The following IFT88 variants were observed in gnomAD, a reference collection of about 807,000 sequenced individuals.
IFT88 encodes intraflagellar transport protein 88 homolog.
In IFT88, 74 loss-of-function variants were observed where a neutral mutation model predicts 119.5. That is an observed-to-expected ratio of 0.62 (90% confidence interval 0.51 to 0.75). The LOEUF is 0.75. Ranked by LOEUF, IFT88 falls within the 30% of genes least tolerant of loss-of-function variation. The pLI is 0.00. For synonymous variants in IFT88, 279 were observed against 316.7 expected (o/e 0.88, Z 1.26); for missense variants, 961 against 977.7 (o/e 0.98, Z 0.23).
At chr13:20,628,169 G>A (rs1479281051) in intron 15 of IFT88, among the ~76,000 whole-genome samples, 4 of 152,072 alleles carry the variant, frequency 2.6e-5, no homozygotes, top group African/African-American at 2.4e-5. Context: ...TGCCTTCTGT[G>A]AGGATATAGT....
chr13:20,607,450 A>C (rs1314887301), intron 13 of IFT88: 2 of 666,448 alleles, frequency 3.0e-6, no homozygotes, highest in Non-Finnish European at 5.6e-6. Context: ...TGTACTTGTC[A>C]CTCATCCCCA....
intron 20 of IFT88, among the ~76,000 whole-genome samples, chr13:20,647,054 C>T (rs112887749): frequency 1.3e-4 from 20 of 152,056 alleles, no homozygotes; most frequent in Non-Finnish European, 2.8e-4. Flanking sequence ...TATTTCTCTC[C>T]CTCCTGTTTC....
intron 14 of IFT88, among the ~76,000 whole-genome samples, chr13:20,618,451 T>A (rs2045982704): frequency 6.6e-6 from 1 of 152,160 alleles, no homozygotes; most frequent in African/African-American, 2.4e-5. Context: ...AATCAGGGGA[T>A]TTTAAATAGT....
chr13:20,592,292 G>C (rs1445843784), intron 6 of IFT88, 43 bp from the exon 7 acceptor site: 5 of 1,432,624 alleles, frequency 3.5e-6, no homozygotes, highest in Non-Finnish European at 3.9e-6. Context: ...CTTCGATTTT[G>C]CTGAGTTACA....
At chr13:20,626,271 A>G (rs1290311969) in intron 15 of IFT88, among the ~76,000 whole-genome samples, 1 of 151,962 alleles carries the variant, frequency 6.6e-6, no homozygotes, top group Non-Finnish European at 1.5e-5. Flanking sequence ...CGTGTTAGCC[A>G]GGATGGTCTC....
At chr13:20,596,277 T>G in intron 8 of IFT88, 37 bp downstream of exon 8, 1 of 960,484 alleles carries the variant, frequency 1.0e-6, no homozygotes, top group Non-Finnish European at 1.6e-6. Context: ...TATGAAGCAT[T>G]TATAGATGTA....
chr13:20,647,679 T>C (rs1162212354), intron 20 of IFT88, among the ~76,000 whole-genome samples: 1 of 152,214 alleles, frequency 6.6e-6, no homozygotes, highest in Non-Finnish European at 1.5e-5. Flanking sequence ...TTCTTTAATA[T>C]TGATTGTGAT....
chr13:20,606,896 T>C (rs2043574789), intron 13 of IFT88, among the ~76,000 whole-genome samples: 1 of 151,820 alleles, frequency 6.6e-6, no homozygotes, highest in Non-Finnish European at 1.5e-5. Context: ...ATAAAATAAA[T>C]AAATAAATAA....
intron 22 of IFT88, among the ~76,000 whole-genome samples, chr13:20,657,989 A>G (rs944334716): frequency 3.9e-5 from 6 of 152,178 alleles, no homozygotes; most frequent in African/African-American, 1.4e-4. Flanking sequence ...GTAGGAGTGT[A>G]GGAGCAGGGT....
intron 7 of IFT88, among the ~76,000 whole-genome samples, chr13:20,595,763 G>C (rs781346662): frequency 1.4e-3 from 218 of 152,204 alleles, no homozygotes; most frequent in Non-Finnish European, 2.7e-3. Flanking sequence ...AATTAGGCTG[G>C]GTGTTGTGGC....
intron 14 of IFT88, among the ~76,000 whole-genome samples, chr13:20,623,137 GT>G (rs976200663): frequency 7.9e-5 from 12 of 152,176 alleles, no homozygotes; most frequent in African/African-American, 2.9e-4. Flanking sequence ...GTGGTGGTTT[GT>G]TTTCGGGCTC....
At position 20,611,514 on chromosome 13, in the gene IFT88, C is replaced by CAAAA. The variant is rs56062553; in HGVS notation, c.1113-4255_1113-4252dup. On this transcript the variant is annotated intron_variant, in intron 13 of 25. Transcript: ENST00000351808. ...TGGGAGACAGAGCATGACCCAGTCT[C>CAAAA]AAAAAAAAAAAAAAAAAAAAAAAAA... is the stretch of plus-strand genomic sequence containing the variant. Among the ~76,000 whole-genome samples, 12 of 59,072 alleles carry CAAAA rather than the reference C, an allele frequency of 2.0e-4. 1 individual carries two copies. In the South Asian group the frequency reaches 9.9e-3, roughly 49 times the overall value. 38.8% of individuals were successfully genotyped at this position (59,072 alleles called of 152,430 possible). A position where few individuals can be genotyped will look rare whatever the true frequency, so the allele number is the denominator to read the frequency against.
At chr13:20,607,267 C>T in intron 13 of IFT88, 1 of 419,710 alleles carries the variant, frequency 2.4e-6, no homozygotes, top group Non-Finnish European at 4.8e-6. Flanking sequence ...TGCCGCAGCA[C>T]TTCTACCCGT....
chr13:20,609,953 G>A (rs185169694), intron 13 of IFT88, among the ~76,000 whole-genome samples: 3 of 152,216 alleles, frequency 2.0e-5, no homozygotes, highest in African/African-American at 7.2e-5. Flanking sequence ...GGGTCTTGGT[G>A]ATGACTGCCA....
chr13:20,590,744 T>C (rs1466200124), intron 4 of IFT88, among the ~76,000 whole-genome samples: 1 of 152,202 alleles, frequency 6.6e-6, no homozygotes, highest in Non-Finnish European at 1.5e-5. Context: ...GAATGGGGCA[T>C]GGCTATGTTC....
intron 13 of IFT88, among the ~76,000 whole-genome samples, chr13:20,605,848 C>G (rs948788958): frequency 2.6e-5 from 4 of 152,128 alleles, no homozygotes; most frequent in African/African-American, 9.7e-5. Context: ...ATAAAGGATA[C>G]AACTCAGAGA....
chr13:20,581,761 G>T (rs9509286), intron 2 of IFT88, among the ~76,000 whole-genome samples: 63,929 of 150,818 alleles, frequency 0.42, 14,678 homozygotes, highest in Middle Eastern at 0.53. Context: ...ACTGAGGTGG[G>T]ACAATCACCT....
intron 17 of IFT88, among the ~76,000 whole-genome samples, chr13:20,639,260 A>G (rs946132442): frequency 2.0e-5 from 3 of 152,090 alleles, no homozygotes; most frequent in East Asian, 1.9e-4. Context: ...TTAGATGTCT[A>G]ATGATTTTGG....
rs17852820 is a variant in IFT88, at chr13:20,597,107, T to C, written c.582T>C (p.Asp194=). 6.3e-7 allele frequency: 1 copy of C among 1,578,030 alleles called. No individual in the cohort carries two copies. Among genetic ancestry groups the C allele is most frequent in the South Asian group, 1.1e-5 (1 of 87,276 alleles). ...QVTTPENINL[D]LTYSVLFNLA... is the part of the protein sequence containing the mutation. ...CAACTCCAGAAAATATCAATTTGGA[T>C]TTAACTTACTCAGTAAGTATTGAAA... Residue 194 remains aspartate (D), a synonymous_variant, in exon 9 of 26, where the codon GAT becomes GAC. Coordinates refer to ENST00000351808, the MANE Select transcript of IFT88 (RefSeq NM_006531.5).
Sources: allele counts gnomAD v4.1 joint callset (sites outside exome capture counted in the v4.1 genomes callset), GRCh38; gene constraint gnomAD v4.1.1; transcripts MANE v1.5; gene names NCBI Gene and HGNC (gene_info 2026-07-23, HGNC 2026-07-21).